MTHFD1: variants seen among roughly 807,000 people sequenced by gnomAD.
The protein encoded by MTHFD1 is methylenetetrahydrofolate dehydrogenase, cyclohydrolase and formyltetrahydrofolate synthetase 1.
A neutral mutation model predicts 110.3 loss-of-function variants in MTHFD1; 44 were observed. The observed-to-expected ratio is 0.40, with a 90% CI of 0.31 to 0.51. The LOEUF is 0.51. Ranked by LOEUF, MTHFD1 falls within the 20% of genes least tolerant of loss-of-function variation. MTHFD1 has a pLI of 0.60. For missense variants in MTHFD1, 909 were observed against 1,173.1 expected (o/e 0.77, Z 3.29); for synonymous variants, 402 against 428.8 (o/e 0.94, Z 0.77).
At chr14:64,422,226 C>T (rs976707570) in intron 8 of MTHFD1, among the ~76,000 whole-genome samples, 3 of 151,964 alleles carry the variant, frequency 2.0e-5, no homozygotes, top group Non-Finnish European at 4.4e-5. Context: ...TATTGTGTTC[C>T]CCAAAGGATG....
At chr14:64,414,586 A>G (rs1207872808) in intron 4 of MTHFD1, among the ~76,000 whole-genome samples, 1 of 150,726 alleles carries the variant, frequency 6.6e-6, no homozygotes, top group Non-Finnish European at 1.5e-5. Context: ...AATTTTCTAT[A>G]TTTTGGGAGG....
At chr14:64,412,349 C>T in intron 3 of MTHFD1, 123 bp from the exon 4 acceptor site, 1 of 767,130 alleles carries the variant, frequency 1.3e-6, no homozygotes, top group East Asian at 2.6e-5. Flanking sequence ...ACTCATTCTT[C>T]AGAACATATA....
chr14:64,431,643 G>C lies in MTHFD1; in HGVS notation c.1419+4G>C. ...TGAACTGACCCAGACAGACAAGGTAGGATGCCAAAGCCCCATGAACCCCAT... is the reference window on the plus strand; with the variant it reads ...TGAACTGACCCAGACAGACAAGGTACGATGCCAAAGCCCCATGAACCCCAT... On this transcript the variant is annotated splice_donor_region_variant and intron_variant, in intron 14 of 27. Transcript: ENST00000652337. 6.2e-7 allele frequency: 1 copy of C among 1,613,474 alleles called. No individual in the cohort carries two copies. Among genetic ancestry groups the C allele is most frequent in the Non-Finnish European group, 8.5e-7 (1 of 1,179,388 alleles).
intron 18 of MTHFD1, 151 bp from the exon 19 acceptor site, chr14:64,441,234 C>A: frequency 1.3e-6 from 1 of 766,040 alleles, no homozygotes; most frequent in Non-Finnish European, 2.4e-6. Context: ...ATAGCATATC[C>A]AGAAAAAAAC....
At chr14:64,413,332 A>G (rs2140954608) in intron 4 of MTHFD1, among the ~76,000 whole-genome samples, 1 of 152,286 alleles carries the variant, frequency 6.6e-6, no homozygotes, top group South Asian at 2.1e-4. Flanking sequence ...AACCTGGGAA[A>G]AAAGAGCAAA....
At chr14:64,449,256 A>C (rs936076347) in intron 23 of MTHFD1, 189 bp from the exon 24 acceptor site, 7 of 659,886 alleles carry the variant, frequency 1.1e-5, no homozygotes, top group Admixed American at 6.6e-5. Context: ...TGAGGCACAT[A>C]AAGATTAGGT....
chr14:64,408,031 C>T (rs1420031350), intron 2 of MTHFD1, among the ~76,000 whole-genome samples: 3 of 151,550 alleles, frequency 2.0e-5, no homozygotes, highest in South Asian at 2.1e-4. Context: ...AGATATCTTA[C>T]GGTGTAGAAC....
Position 64,442,073 on chromosome 14 carries a change from A to G in MTHFD1, c.1904A>G (p.His635Arg). The G allele has an allele frequency of 1.9e-6, 3 of 1,614,126 alleles. No individual in the cohort carries two copies. Among genetic ancestry groups the G allele is most frequent in the Non-Finnish European group, 2.5e-6 (3 of 1,179,998 alleles). ...CCACAGGGCACTCCAGTGTTTGTCC[A>G]TGCTGGCCCGTTTGCCAACATCGCA... is the stretch of plus-strand genomic sequence containing the variant. ...QTLEGTPVFV[H>R]AGPFANIAHG... Residue 635 changes from histidine (H) to arginine (R), a missense_variant, in exon 20 of 28, where the codon CAT becomes CGT. His to Arg is a conservative substitution (Grantham distance 29). Coordinates refer to ENST00000652337, the MANE Select transcript of MTHFD1 (RefSeq NM_005956.4).
At chr14:64,397,663 T>G (rs1483881769) in intron 1 of MTHFD1, among the ~76,000 whole-genome samples, 1 of 152,220 alleles carries the variant, frequency 6.6e-6, no homozygotes, top group Non-Finnish European at 1.5e-5. Context: ...GTTTTCCCTG[T>G]GCCATTTGAG....
intron 16 of MTHFD1, 26 bp downstream of exon 16, chr14:64,435,697 T>G (rs1379361883): frequency 7.0e-7 from 1 of 1,435,034 alleles, no homozygotes; most frequent in Non-Finnish European, 9.8e-7. Context: ...ACAAGCCCCG[T>G]TTGTTTTGGC....
chr14:64,419,347 A>T (rs1262130340), intron 7 of MTHFD1: 1 of 238,078 alleles, frequency 4.2e-6, no homozygotes, highest in Non-Finnish European at 8.0e-6. Context: ...AGATCCCTGC[A>T]TCAGATTCCT....
intron 23 of MTHFD1, chr14:64,449,243 A>T (rs906711969): frequency 1.3e-5 from 8 of 639,560 alleles, no homozygotes; most frequent in African/African-American, 1.1e-4. Context: ...CCAGGGTGGA[A>T]ATTGAGGCAC....
chr14:64,393,508 A>G (rs2077822659), intron 1 of MTHFD1, among the ~76,000 whole-genome samples: 1 of 152,212 alleles, frequency 6.6e-6, no homozygotes, highest in Non-Finnish European at 1.5e-5. Context: ...TTGATTCTGG[A>G]AGCCTGTGCA....
chr14:64,424,792 CCA>C lies in MTHFD1; in HGVS notation c.728-10_728-9del. 6.2e-7 allele frequency: 1 copy of C among 1,613,660 alleles called. No homozygotes were observed. Among genetic ancestry groups the C allele is most frequent in the Non-Finnish European group, 8.5e-7 (1 of 1,179,956 alleles). On this transcript the variant is annotated splice_polypyrimidine_tract_variant and intron_variant, in intron 8 of 27. Transcript: ENST00000652337. ...CTGAGACTTAGTTTTGATTTCTCCC[CCA>C]CTTGACCAGATGATAAAAAACCAAA... is the stretch of plus-strand genomic sequence containing the variant.
chr14:64,439,171 C>T lies in MTHFD1; in HGVS notation c.1673C>T (p.Thr558Met), dbSNP rs540154396. The stretch of plus-strand genomic sequence containing the variant: ...CCAACGGAGAAGGGTCACACACGGA[C>T]GGTAACAATTTGTCCCTTTCCAAGG... Reference protein sequence around the residue: ...QAPTEKGHTRTAQFDISVASE... With the variant: ...QAPTEKGHTRMAQFDISVASE... The change falls in exon 17 of 28, where the codon ACG (threonine) becomes ATG (methionine). Residue 558 changes from threonine to methionine, a missense_variant and splice_region_variant. Around this residue, in one of 3 missense-constraint regions of MTHFD1, gnomAD observed 482 missense variants for 646.0 expected, o/e 0.75. Coordinates refer to ENST00000652337, the MANE Select transcript of MTHFD1 (RefSeq NM_005956.4). The T allele has an allele frequency of 3.1e-5, 50 of 1,612,462 alleles. No homozygotes were observed. Among genetic ancestry groups the T allele is most frequent in the Middle Eastern group, 1.7e-4 (1 of 6,060 alleles).
At chr14:64,425,900 C>T in intron 10 of MTHFD1, 73 bp downstream of exon 10, 1 of 1,565,892 alleles carries the variant, frequency 6.4e-7, no homozygotes, top group South Asian at 1.1e-5. Context: ...TGTGGGTTCA[C>T]ATATGCTCCC....
chr14:64,428,056 C>T (rs902938517), intron 12 of MTHFD1, among the ~76,000 whole-genome samples: 6 of 151,162 alleles, frequency 4.0e-5, no homozygotes, highest in African/African-American at 7.3e-5. Context: ...CTACCATACT[C>T]GCACTTTACC....
Position 64,435,679 on chromosome 14 carries a change from A to G in MTHFD1, c.1597+8A>G. On this transcript the variant is annotated splice_region_variant and intron_variant, in intron 16 of 27. Coordinates refer to ENST00000652337, the MANE Select transcript of MTHFD1 (RefSeq NM_005956.4). The stretch of plus-strand genomic sequence containing the variant: ...CCATAACTTGGCAAAGAGGTACCAG[A>G]GCAGTATACAAGCCCCGTTTGTTTT... 1 of 1,547,334 alleles carries G rather than the reference A, an allele frequency of 6.5e-7. No homozygotes were observed. The highest frequency in any genetic ancestry group is 8.9e-7 in the Non-Finnish European group (1 of 1,119,118).
At chr14:64,428,110 T>G (rs952306218) in intron 12 of MTHFD1, among the ~76,000 whole-genome samples, 2 of 143,672 alleles carry the variant, frequency 1.4e-5, no homozygotes, top group African/African-American at 5.2e-5. Flanking sequence ...GTGTTTTTTT[T>G]TTTTTTTTTT....
Sources: gnomAD v4.1 joint callset for allele counts (sites outside exome capture counted in the v4.1 genomes callset) on GRCh38, gnomAD v4.1.1 for gene constraint, gnomAD v4.1.1 regional missense constraint, MANE v1.5 for transcripts, NCBI Gene and HGNC (gene_info 2026-07-23, HGNC 2026-07-21) for gene names.